The following PRKCE variants were observed in gnomAD, a reference collection of about 807,000 sequenced individuals.
PRKCE encodes the protein protein kinase C epsilon type.
PRKCE carries 16 observed loss-of-function variants against 85.4 expected under a neutral mutation model. The ratio of observed to expected loss-of-function variants is 0.19; its 90% CI spans 0.13 to 0.28. PRKCE has a LOEUF of 0.28. Ranked by LOEUF, PRKCE falls within the 10% of genes least tolerant of loss-of-function variation. PRKCE has a pLI of 1.00. For synonymous variants in PRKCE, 388 were observed against 371.5 expected, an observed-to-expected ratio of 1.04 and a Z score of -0.51; for missense variants, 573 against 975.2, an observed-to-expected ratio of 0.59 and a Z score of 5.49.
intron 1 of PRKCE, among the ~76,000 whole-genome samples, chr2:45,661,422 A>T (rs1675635458): frequency 6.6e-6 from 1 of 151,500 alleles, no homozygotes; most frequent in Non-Finnish European, 1.5e-5. Context: ...ACCTTAAGTG[A>T]TCCACCCGCC....
intron 2 of PRKCE, among the ~76,000 whole-genome samples, chr2:45,858,606 T>C (rs1692873571): frequency 6.6e-6 from 1 of 152,184 alleles, no homozygotes; most frequent in African/African-American, 2.4e-5. Flanking sequence ...TCTTTGCCAT[T>C]TTTTCCCCCA....
intron 10 of PRKCE, among the ~76,000 whole-genome samples, chr2:46,023,109 A>AAAAAAT (rs1383340242): frequency 6.6e-6 from 1 of 150,860 alleles, no homozygotes; most frequent in African/African-American, 2.5e-5. Context: ...AAAAAAAAAA[A>AAAAAAT]ATCATCTATA....
At chr2:45,954,713 C>T (rs992697749) in intron 2 of PRKCE, among the ~76,000 whole-genome samples, 2 of 152,158 alleles carry the variant, frequency 1.3e-5, no homozygotes, top group South Asian at 4.1e-4. Context: ...TACAAGGAAA[C>T]AATTACTGTC....
At chr2:45,892,952 C>T (rs1695846377) in intron 2 of PRKCE, among the ~76,000 whole-genome samples, 1 of 152,202 alleles carries the variant, frequency 6.6e-6, no homozygotes, top group African/African-American at 2.4e-5. Flanking sequence ...CCACGGGGCT[C>T]AGGGAATTCA....
chr2:46,021,960 T>C (rs1422479689), intron 10 of PRKCE, among the ~76,000 whole-genome samples: 1 of 152,142 alleles, frequency 6.6e-6, no homozygotes, highest in Non-Finnish European at 1.5e-5. Flanking sequence ...GATGACTCCA[T>C]TGAAGCAATG....
chr2:45,934,249 T>C (rs1699271330), intron 2 of PRKCE, among the ~76,000 whole-genome samples: 1 of 152,226 alleles, frequency 6.6e-6, no homozygotes, highest in South Asian at 2.1e-4. Context: ...CTTATTGTAA[T>C]AAATAATTGT....
At chr2:45,704,677 C>T (rs1645427818) in intron 1 of PRKCE, among the ~76,000 whole-genome samples, 1 of 152,174 alleles carries the variant, frequency 6.6e-6, no homozygotes. Flanking sequence ...GGATGAAATG[C>T]CTGTATGCTG....
intron 1 of PRKCE, 122 bp from the exon 2 acceptor site, chr2:45,842,878 G>T (rs1029126530): frequency 3.5e-6 from 3 of 859,648 alleles, no homozygotes; most frequent in Non-Finnish European, 5.8e-6. Flanking sequence ...ACACATTGTA[G>T]GTTGGTGAAT....
At chr2:46,163,672 A>G (rs1574641999) in intron 14 of PRKCE, among the ~76,000 whole-genome samples, 1 of 146,458 alleles carries the variant, frequency 6.8e-6, no homozygotes, top group South Asian at 2.3e-4. Flanking sequence ...CACACCCCAC[A>G]GAGGCCACTG....
intron 2 of PRKCE, among the ~76,000 whole-genome samples, chr2:45,971,116 A>G (rs1471665779): frequency 6.6e-6 from 1 of 152,162 alleles, no homozygotes; most frequent in African/African-American, 2.4e-5. Flanking sequence ...GATCTCTAGG[A>G]CTTACTCATC....
chr2:46,147,752 G>T (rs559366483), intron 12 of PRKCE, among the ~76,000 whole-genome samples: 2 of 152,328 alleles, frequency 1.3e-5, no homozygotes, highest in African/African-American at 4.8e-5. Context: ...CTGGCTAAAT[G>T]GTGGCTTCAT....
chr2:46,031,478 C>T (rs1486892019), intron 10 of PRKCE, among the ~76,000 whole-genome samples: 1 of 152,146 alleles, frequency 6.6e-6, no homozygotes, highest in Non-Finnish European at 1.5e-5. Context: ...TGGCAGCCAG[C>T]ATACATACCA....
intron 1 of PRKCE, among the ~76,000 whole-genome samples, chr2:45,778,773 A>G (rs893121139): frequency 6.6e-6 from 1 of 152,174 alleles, no homozygotes; most frequent in Non-Finnish European, 1.5e-5. Flanking sequence ...CAGCAGGTAA[A>G]CAATACTGCC....
At chr2:45,816,241 C>T (rs73928812) in intron 1 of PRKCE, among the ~76,000 whole-genome samples, 1,622 of 152,250 alleles carry the variant, frequency 0.011, 21 homozygotes, top group African/African-American at 0.037. Flanking sequence ...AGGGGCTTTA[C>T]TTACCTCTTT....
At position 46,151,037 on chromosome 2, in the gene PRKCE, A is replaced by C. The variant is rs1441059968; in HGVS notation, c.1732-4A>C. 3.1e-6 allele frequency: 5 copies of C among 1,596,008 alleles called. No individual in the cohort carries two copies. Among genetic ancestry groups the C allele is most frequent in the Non-Finnish European group, 4.2e-6 (5 of 1,177,260 alleles). On this transcript the variant is annotated splice_region_variant and splice_polypyrimidine_tract_variant and intron_variant, in intron 12 of 14. Coordinates refer to ENST00000306156, the MANE Select transcript of PRKCE (RefSeq NM_005400.3). ...GTGCCTGACATTGCTGGTTTCCTGA[A>C]CAGATCCTGCAGGAGTTGGAGTATG...
intron 2 of PRKCE, among the ~76,000 whole-genome samples, chr2:45,955,120 A>C (rs1475349020): frequency 1.3e-5 from 2 of 152,204 alleles, no homozygotes; most frequent in African/African-American, 4.8e-5. Context: ...TAAATGTTTA[A>C]TGGATGAATA....
intron 2 of PRKCE, among the ~76,000 whole-genome samples, chr2:45,960,932 G>A (rs1558888154): frequency 6.6e-6 from 1 of 152,124 alleles, no homozygotes; most frequent in Non-Finnish European, 1.5e-5. Context: ...ACTTATAATG[G>A]CCCTCGCAGA....
At chr2:45,850,253 T>C (rs1692143698) in intron 2 of PRKCE, among the ~76,000 whole-genome samples, 1 of 152,208 alleles carries the variant, frequency 6.6e-6, no homozygotes, top group African/African-American at 2.4e-5. Context: ...TGTGCCTGTC[T>C]TACCAATAAA....
chr2:45,900,577 G>A (rs970997677), intron 2 of PRKCE, among the ~76,000 whole-genome samples: 2 of 152,222 alleles, frequency 1.3e-5, no homozygotes, highest in Non-Finnish European at 2.9e-5. Context: ...GTTCATAGAG[G>A]TAGAAAGTAG....
Sources: allele counts gnomAD v4.1 joint callset (sites outside exome capture counted in the v4.1 genomes callset), GRCh38; gene constraint gnomAD v4.1.1; transcripts MANE v1.5; gene names NCBI Gene and HGNC (gene_info 2026-07-23, HGNC 2026-07-21).